Variants in NHERF1 observed in about 807,000 individuals in gnomAD.
NHERF1 encodes the protein Na(+)/H(+) exchange regulatory cofactor NHE-RF1.
At chr17:74,749,967 C>T in the NHERF1 span, among the ~76,000 whole-genome samples, 1 of 152,196 alleles carries the variant, frequency 6.6e-6, no homozygotes, top group African/African-American at 2.4e-5. The surrounding 1 kb of genome is among the most constrained non-coding windows in gnomAD (Gnocchi z 5.6). Context: ...GTTCTGCCAC[C>T]TCAGAGGATT....
At chr17:74,755,442 G>C in the NHERF1 span, among the ~76,000 whole-genome samples, 1 of 152,132 alleles carries the variant, frequency 6.6e-6, no homozygotes, top group African/African-American at 2.4e-5. Context: ...TCCCCTCATG[G>C]TAGGACAACT....
the NHERF1 span, among the ~76,000 whole-genome samples, chr17:74,751,647 T>C: frequency 6.6e-6 from 1 of 152,180 alleles, no homozygotes; most frequent in Non-Finnish European, 1.5e-5. The surrounding 1 kb of genome is among the most constrained non-coding windows in gnomAD (Gnocchi z 4.3). Context: ...CCGGCTTTGC[T>C]TTGTGGATGG....
At chr17:74,755,544 G>A in the NHERF1 span, among the ~76,000 whole-genome samples, 3 of 152,192 alleles carry the variant, frequency 2.0e-5, no homozygotes, top group African/African-American at 7.2e-5. Context: ...AGGTCACCTC[G>A]GGGTGGTGTG....
chr17:74,748,991 G>A, the NHERF1 span: 5 of 1,608,760 alleles, frequency 3.1e-6, no homozygotes, highest in Admixed American at 6.7e-5. This position sits in a 1 kb window ranked among gnomAD's most constrained non-coding sequence, Gnocchi z 4.3. Context: ...CTCGCCGGCC[G>A]AGAAGGCGGG....
At chr17:74,766,819 T>G in the NHERF1 span, 49 of 994,436 alleles carry the variant, frequency 4.9e-5, no homozygotes, top group Non-Finnish European at 6.5e-5. Context: ...CAAAAAAGTT[T>G]GAGATGTTGA....
At chr17:74,759,243 A>G in the NHERF1 span, among the ~76,000 whole-genome samples, 3 of 152,184 alleles carry the variant, frequency 2.0e-5, no homozygotes, top group Non-Finnish European at 4.4e-5. Context: ...AGAACAGTGG[A>G]GCAGGTCCCA....
the NHERF1 span, among the ~76,000 whole-genome samples, chr17:74,759,164 G>A: frequency 3.9e-5 from 6 of 152,200 alleles, no homozygotes; most frequent in South Asian, 2.1e-4. Context: ...GGGGTCTACC[G>A]GGGGCTTCCC....
chr17:74,760,067 G>A, the NHERF1 span, among the ~76,000 whole-genome samples: 2 of 152,312 alleles, frequency 1.3e-5, no homozygotes, highest in African/African-American at 4.8e-5. This position sits in a 1 kb window ranked among gnomAD's most constrained non-coding sequence, Gnocchi z 4.5. Flanking sequence ...AGAAAGCTGC[G>A]CCTGTCCTGG....
the NHERF1 span, chr17:74,762,114 G>A: frequency 1.2e-6 from 2 of 1,614,210 alleles, no homozygotes. The surrounding 1 kb of genome is among the most constrained non-coding windows in gnomAD (Gnocchi z 4.2). Context: ...CATCCGGTCA[G>A]TGGACCCAGA....
At chr17:74,765,731 T>C in the NHERF1 span, among the ~76,000 whole-genome samples, 3 of 152,086 alleles carry the variant, frequency 2.0e-5, no homozygotes, top group South Asian at 4.2e-4. Flanking sequence ...TTTGTATTTT[T>C]AGTAGGGATA....
chr17:74,767,776 C>T, the NHERF1 span, among the ~76,000 whole-genome samples: 1,306 of 152,290 alleles, frequency 8.6e-3, 19 homozygotes, highest in African/African-American at 0.03. Context: ...ACCACATGGG[C>T]TCCCCATGCC....
At chr17:74,748,873 G>A in the NHERF1 span, 1 of 1,595,654 alleles carries the variant, frequency 6.3e-7, no homozygotes, top group African/African-American at 1.3e-5. This position sits in a 1 kb window ranked among gnomAD's most constrained non-coding sequence, Gnocchi z 4.3. Flanking sequence ...CGGCCGGGGC[G>A]CCCCTGCCCC....
At chr17:74,767,230 G>A in the NHERF1 span, among the ~76,000 whole-genome samples, 56 of 152,252 alleles carry the variant, frequency 3.7e-4, no homozygotes, top group East Asian at 1.9e-3. Context: ...ACAAGCCCCC[G>A]CCTCCAACTC....
At chr17:74,763,292 C>T in the NHERF1 span, 1 of 1,481,752 alleles carries the variant, frequency 6.7e-7, no homozygotes, top group South Asian at 1.3e-5. Context: ...TCACCCCTGC[C>T]CCCAACCCCC....
the NHERF1 span, among the ~76,000 whole-genome samples, chr17:74,764,820 G>A: frequency 3.3e-5 from 5 of 152,172 alleles, no homozygotes; most frequent in African/African-American, 7.2e-5. This position sits in a 1 kb window ranked among gnomAD's most constrained non-coding sequence, Gnocchi z 4.9. Context: ...CCCCCTCTCC[G>A]GCTGCCAGGG....
the NHERF1 span, chr17:74,749,183 G>T: frequency 6.5e-7 from 1 of 1,529,396 alleles, no homozygotes. The surrounding 1 kb of genome is among the most constrained non-coding windows in gnomAD (Gnocchi z 5.6). Flanking sequence ...GCTGCTGCGC[G>T]CCCAGGAAGC....
the NHERF1 span, chr17:74,748,674 C>A: frequency 1.7e-6 from 1 of 604,328 alleles, no homozygotes; most frequent in Non-Finnish European, 2.9e-6. The surrounding 1 kb of genome is among the most constrained non-coding windows in gnomAD (Gnocchi z 4.3). Context: ...CTCTCGGCTC[C>A]TCGCGGCTCG....
chr17:74,760,859 C>G, the NHERF1 span, among the ~76,000 whole-genome samples: 1 of 152,208 alleles, frequency 6.6e-6, no homozygotes, highest in Non-Finnish European at 1.5e-5. The surrounding 1 kb of genome is among the most constrained non-coding windows in gnomAD (Gnocchi z 4.5). Flanking sequence ...TCACACAGCT[C>G]CTAAACAGGG....
the NHERF1 span, chr17:74,763,587 G>T: frequency 6.7e-7 from 1 of 1,497,284 alleles, no homozygotes. Flanking sequence ...GTGAGCCAGG[G>T]CTAAGACTGC....
Sources: allele counts gnomAD v4.1 joint callset (sites outside exome capture counted in the v4.1 genomes callset), GRCh38; gene constraint gnomAD v4.1.1; non-coding constraint Gnocchi (gnomAD v3.1); transcripts MANE v1.5; gene names NCBI Gene and HGNC (gene_info 2026-07-23, HGNC 2026-07-21).